The following CDS1 variants were observed in gnomAD, a reference collection of about 807,000 sequenced individuals.
CDS1 encodes the protein CDP-diacylglycerol synthase 1.
In CDS1, 41 loss-of-function variants were observed where a neutral mutation model predicts 62.1. The observed-to-expected ratio is 0.66, with a 90% CI of 0.51 to 0.86. CDS1 has a LOEUF of 0.86. CDS1 is among the 40% of genes least tolerant of loss of function. The pLI is 0.00. For synonymous variants in CDS1, 185 were observed against 192.6 expected (o/e 0.96, Z 0.32); for missense variants, 470 against 550.1 (o/e 0.85, Z 1.46).
At chr4:84,598,688 G>A (rs573213549) in intron 1 of CDS1, among the ~76,000 whole-genome samples, 33 of 152,134 alleles carry the variant, frequency 2.2e-4, no homozygotes, top group African/African-American at 7.7e-4. Flanking sequence ...GCCCAGGGTG[G>A]TTTCTAACTT....
rs552760116 is a variant in CDS1 at position 84,626,421 on chromosome 4, G to C, written c.581-5398G>C. ...GCAAAATTATAGTACATCACACCAGGATATTGACATCATTACAGTCACACA... is the reference window on the plus strand; with the variant it reads ...GCAAAATTATAGTACATCACACCAGCATATTGACATCATTACAGTCACACA... On this transcript the variant is annotated intron_variant, in intron 5 of 12. Coordinates refer to ENST00000295887, the MANE Select transcript of CDS1 (RefSeq NM_001263.4). Among the ~76,000 whole-genome samples, 629 of 152,176 alleles carry C rather than the reference G, an allele frequency of 4.1e-3. 3 individuals are homozygous for C. The highest frequency in any genetic ancestry group is 5.6e-3 in the Non-Finnish European group (381 of 68,000).
intron 6 of CDS1, 52 bp downstream of exon 6, chr4:84,631,929 C>CT (rs149864119): frequency 0.061 from 69,737 of 1,151,104 alleles, 440 homozygotes; most frequent in South Asian, 0.084. Flanking sequence ...AAACCCTTAA[C>CT]TTTTTTTTTT....
At chr4:84,638,873 T>G in intron 8 of CDS1, 51 bp from the exon 9 acceptor site, 4 of 564,274 alleles carry the variant, frequency 7.1e-6, no homozygotes, top group Non-Finnish European at 1.2e-5. Context: ...ATATATATTG[T>G]GAGTTTTGTG....
chr4:84,584,868 G>C (rs1722368571), intron 1 of CDS1, among the ~76,000 whole-genome samples: 1 of 152,154 alleles, frequency 6.6e-6, no homozygotes, highest in African/African-American at 2.4e-5. Context: ...ACAAAACTAG[G>C]AACAGTGGGC....
intron 4 of CDS1, 89 bp downstream of exon 4, chr4:84,617,750 T>C (rs1314380429): frequency 3.4e-6 from 2 of 584,238 alleles, no homozygotes; most frequent in Non-Finnish European, 6.0e-6. Context: ...ATCCACTCAA[T>C]TTACCCTATA....
At position 84,613,322 on chromosome 4, in the gene CDS1, TAGG is replaced by T. The variant is rs575911382; in HGVS notation, c.342+3801_342+3803del. 7.9e-5 allele frequency among the ~76,000 whole-genome samples: 12 copies of T among 152,200 alleles called. No individual in the cohort carries two copies. The South Asian group carries it at 2.5e-3, about 32-fold the overall frequency. On this transcript the variant is annotated intron_variant, in intron 3 of 12. Transcript: ENST00000295887. Reference sequence around the variant, plus strand: ...TCAATATAGTTTTATTAAAAACTTCTAGGAGGTCGGGCACAGTGGCTCACGCCT... The same window carrying T: ...TCAATATAGTTTTATTAAAAACTTCTAGGTCGGGCACAGTGGCTCACGCCT...
intron 2 of CDS1, 136 bp downstream of exon 2, chr4:84,604,506 C>T (rs570825543): frequency 1.6e-5 from 12 of 728,614 alleles, no homozygotes; most frequent in Middle Eastern, 7.8e-4. Flanking sequence ...ACCTAATATC[C>T]GAGGTATAGT....
chr4:84,604,013 C>G (rs1329299629), intron 1 of CDS1, among the ~76,000 whole-genome samples: 1 of 152,092 alleles, frequency 6.6e-6, no homozygotes, highest in Non-Finnish European at 1.5e-5. Flanking sequence ...TCTTTTGTGT[C>G]TTTTGTTTAA....
Position 84,627,814 on chromosome 4 carries a change from G to T in CDS1, c.581-4005G>T, listed in dbSNP as rs540091690. ...ATCTTTTATATCAGAGGATATTAAT[G>T]AAATCTTTAGAAAAGTGTCACAAAT... is the stretch of plus-strand genomic sequence containing the variant. On this transcript the variant is annotated intron_variant, in intron 5 of 12. Transcript: ENST00000295887. Among the ~76,000 whole-genome samples, 4 of 152,194 alleles carry T rather than the reference G, an allele frequency of 2.6e-5. No individual in the cohort carries two copies. In the South Asian group the frequency reaches 8.3e-4, roughly 32 times the overall value.
intron 5 of CDS1, among the ~76,000 whole-genome samples, chr4:84,627,891 A>G (rs762038163): frequency 6.6e-6 from 1 of 152,210 alleles, no homozygotes; most frequent in African/African-American, 2.4e-5. Flanking sequence ...TGAATTAAAG[A>G]CTGCTAAACA....
At chr4:84,591,613 C>T (rs2110034849) in intron 1 of CDS1, among the ~76,000 whole-genome samples, 1 of 152,170 alleles carries the variant, frequency 6.6e-6, no homozygotes, top group South Asian at 2.1e-4. Flanking sequence ...TTGCAAAATA[C>T]TTGCTTATAC....
chr4:84,604,450 C>T (rs1208056715), intron 2 of CDS1, 80 bp downstream of exon 2: 1 of 1,478,836 alleles, frequency 6.8e-7, no homozygotes, highest in Non-Finnish European at 9.2e-7. Context: ...ATAAATTTGG[C>T]TTTTTGTAAG....
intron 2 of CDS1, among the ~76,000 whole-genome samples, chr4:84,606,001 T>C (rs1560468966): frequency 2.0e-5 from 3 of 152,134 alleles, no homozygotes; most frequent in Non-Finnish European, 4.4e-5. Flanking sequence ...TATGAGTGAA[T>C]TGGTTTTAGA....
At chr4:84,635,613 GCCTGCCTGCCTGCCTTCCTT>G (rs1724164212) in intron 8 of CDS1, among the ~76,000 whole-genome samples, 2 of 98,240 alleles carry the variant, frequency 2.0e-5, no homozygotes, top group Admixed American at 2.2e-4. Flanking sequence ...CTGCCTGCCT[GCCTGCCTGCCTGCCTTCCTT>G]CCTTCCTTCC....
At chr4:84,639,081 C>A in intron 9 of CDS1, 89 bp downstream of exon 9, 2 of 502,198 alleles carry the variant, frequency 4.0e-6, no homozygotes, top group Non-Finnish European at 3.4e-6. Flanking sequence ...AAAAATTAAA[C>A]CACAAAATGC....
At chr4:84,583,660 G>A (rs2110027163) in intron 1 of CDS1, 142 bp downstream of exon 1, 1 of 560,066 alleles carries the variant, frequency 1.8e-6, no homozygotes, top group South Asian at 2.2e-5. Context: ...GCCTGGCACT[G>A]CTTCCTCCTT....
At chr4:84,625,146 C>G (rs2088172497) in intron 5 of CDS1, among the ~76,000 whole-genome samples, 1 of 152,166 alleles carries the variant, frequency 6.6e-6, no homozygotes, top group African/African-American at 2.4e-5. Context: ...TGGGCATGAG[C>G]CACCATGTCT....
chr4:84,605,638 T>C (rs1311134565), intron 2 of CDS1, among the ~76,000 whole-genome samples: 1 of 152,164 alleles, frequency 6.6e-6, no homozygotes, highest in African/African-American at 2.4e-5. Context: ...ATCAAGTCTA[T>C]CTCAGACCTG....
At chr4:84,636,340 A>G (rs998593357) in intron 8 of CDS1, among the ~76,000 whole-genome samples, 16 of 152,230 alleles carry the variant, frequency 1.1e-4, no homozygotes, top group Non-Finnish European at 1.9e-4. Context: ...GGAAAGGAAA[A>G]TACACATGAG....
Sources: gnomAD v4.1 joint callset for allele counts (sites outside exome capture counted in the v4.1 genomes callset) on GRCh38, gnomAD v4.1.1 for gene constraint, MANE v1.5 for transcripts, NCBI Gene and HGNC (gene_info 2026-07-23, HGNC 2026-07-21) for gene names.